Variants in TRHDE observed in about 807,000 individuals in gnomAD.
The protein encoded by TRHDE is thyrotropin releasing hormone degrading enzyme, also known as thyrotropin-releasing hormone-degrading ectoenzyme.
In TRHDE, 72 loss-of-function variants were observed where a neutral mutation model predicts 125.7. That is an observed-to-expected ratio of 0.57 (90% CI 0.47 to 0.70). TRHDE has a LOEUF of 0.70. Among genes scored for constraint, TRHDE ranks in the 30% least tolerant of loss-of-function variants. The probability of loss-of-function intolerance (pLI) is 0.00; values close to 1 mark genes in which losing one functional copy is unlikely to be tolerated. For synonymous variants in TRHDE, 509 were observed against 509.1 expected, an observed-to-expected ratio of 1.00 and a Z score of 0.00; for missense variants, 1,110 against 1,327.1, an observed-to-expected ratio of 0.84 and a Z score of 2.54.
At chr12:72,486,836 T>C (rs866921209) in intron 5 of TRHDE, among the ~76,000 whole-genome samples, 1 of 151,982 alleles carries the variant, frequency 6.6e-6, no homozygotes. Context: ...ACAAATTGCC[T>C]AAAAAGGAAT....
At chr12:72,332,755 A>G (rs1277492505) in intron 2 of TRHDE, among the ~76,000 whole-genome samples, 1 of 152,238 alleles carries the variant, frequency 6.6e-6, no homozygotes, top group Non-Finnish European at 1.5e-5. Flanking sequence ...CTGCTCTCAG[A>G]GACCTTACAA....
intron 2 of TRHDE, among the ~76,000 whole-genome samples, chr12:72,177,819 T>G (rs1877020099): frequency 6.6e-6 from 1 of 152,032 alleles, no homozygotes; most frequent in African/African-American, 2.4e-5. Context: ...ATATTACTTA[T>G]GAAAGTAATG....
chr12:72,268,981 G>A (rs1879131037), upstream of TRHDE, among the ~76,000 whole-genome samples: 1 of 152,030 alleles, frequency 6.6e-6, no homozygotes, highest in Non-Finnish European at 1.5e-5. Flanking sequence ...CTTGTTTACA[G>A]CACCACATGG....
chr12:72,633,563 G>C (rs1397064419), intron 15 of TRHDE, among the ~76,000 whole-genome samples: 1 of 152,042 alleles, frequency 6.6e-6, no homozygotes, highest in Non-Finnish European at 1.5e-5. Flanking sequence ...CCTAGAAACA[G>C]AACCACCCTA....
intron 12 of TRHDE, among the ~76,000 whole-genome samples, chr12:72,586,433 T>A (rs1317033758): frequency 6.6e-6 from 1 of 152,166 alleles, no homozygotes; most frequent in Admixed American, 6.5e-5. Flanking sequence ...AATATCCTTA[T>A]GTGGAGTGGA....
intron 3 of TRHDE, among the ~76,000 whole-genome samples, chr12:72,397,468 A>C (rs777054971): frequency 4.6e-5 from 7 of 152,030 alleles, no homozygotes; most frequent in Non-Finnish European, 1.0e-4. Context: ...ATCTTCCTCT[A>C]TTTCTTCCTA....
At chr12:72,611,605 TA>T (rs1471574755) in intron 12 of TRHDE, among the ~76,000 whole-genome samples, 2 of 152,054 alleles carry the variant, frequency 1.3e-5, no homozygotes, top group African/African-American at 4.8e-5. Context: ...CTAACAAAGC[TA>T]GGGGTGAGGG....
At chr12:72,422,286 G>A (rs1012073769) in intron 3 of TRHDE, among the ~76,000 whole-genome samples, 6 of 152,058 alleles carry the variant, frequency 3.9e-5, no homozygotes, top group African/African-American at 1.4e-4. Context: ...TCAGAATCAC[G>A]CTGAAATGGA....
chr12:72,560,529 A>C (rs1870127455), intron 7 of TRHDE: 1 of 152,192 alleles, frequency 6.6e-6, no homozygotes, highest in African/African-American at 2.4e-5. Flanking sequence ...ACATCACTAA[A>C]ATAAAATGCA....
At chr12:72,315,475 T>C (rs925604807) in intron 2 of TRHDE, among the ~76,000 whole-genome samples, 1 of 152,216 alleles carries the variant, frequency 6.6e-6, no homozygotes, top group Non-Finnish European at 1.5e-5. Context: ...TTAATCAGCA[T>C]CTAGTTATGC....
chr12:72,102,824 G>C (rs1875099792), intron 1 of TRHDE, among the ~76,000 whole-genome samples: 1 of 152,202 alleles, frequency 6.6e-6, no homozygotes, highest in African/African-American at 2.4e-5. Context: ...TTCAAGGAAG[G>C]GCTTGTTGCC....
At chr12:72,363,745 A>G (rs531906441) in intron 2 of TRHDE, among the ~76,000 whole-genome samples, 15 of 152,186 alleles carry the variant, frequency 9.9e-5, no homozygotes, top group Non-Finnish European at 2.1e-4. Context: ...ACTCCTATTC[A>G]ACATAGTGTT....
chr12:72,185,523 A>G (rs978110138), intron 2 of TRHDE, among the ~76,000 whole-genome samples: 66 of 152,344 alleles, frequency 4.3e-4, no homozygotes, highest in African/African-American at 1.6e-3. Flanking sequence ...TCTGGTGGGG[A>G]CGTGGAGAGT....
chr12:72,261,440 A>T (rs1006196730), intron 2 of TRHDE, among the ~76,000 whole-genome samples: 3 of 152,202 alleles, frequency 2.0e-5, no homozygotes, highest in Non-Finnish European at 2.9e-5. Context: ...TATTTTGAGG[A>T]TTTAAAGAAA....
At chr12:72,644,120 G>A (rs1874181259) in intron 15 of TRHDE, among the ~76,000 whole-genome samples, 1 of 152,158 alleles carries the variant, frequency 6.6e-6, no homozygotes, top group African/African-American at 2.4e-5. Context: ...TTCCCTTAGT[G>A]AGAAATCCAG....
At chr12:72,114,938 TA>T (rs1182017477) in intron 2 of TRHDE, among the ~76,000 whole-genome samples, 5 of 152,144 alleles carry the variant, frequency 3.3e-5, no homozygotes, top group South Asian at 2.1e-4. Context: ...TTATTTTATT[TA>T]AAAAAATTTC....
rs541469816 is a variant in TRHDE, at chr12:72,225,677, C to G, written n.279+119925C>G. ...TTCTTTCCTTCTGTTTATAATCACA[C>G]CATTCTCCTTGGGAGGTGGGAGATC... On this transcript the variant is annotated intron_variant and non_coding_transcript_variant, in intron 2 of 4. Coordinates refer to the TRHDE transcript ENST00000548156. Among the ~76,000 whole-genome samples the G allele has an allele frequency of 5.9e-5, 9 of 152,274 alleles. No homozygotes were observed. The South Asian group carries it at 1.7e-3, about 28-fold the overall frequency.
At chr12:72,642,208 A>T (rs1046969578) in intron 15 of TRHDE, among the ~76,000 whole-genome samples, 1 of 152,196 alleles carries the variant, frequency 6.6e-6, no homozygotes, top group African/African-American at 2.4e-5. Context: ...GTTCAGACTA[A>T]GGCAGCCATC....
intron 6 of TRHDE, 141 bp downstream of exon 6, chr12:72,499,776 G>A (rs1044173380): frequency 3.5e-5 from 33 of 944,698 alleles, no homozygotes; most frequent in Middle Eastern, 2.6e-4. Context: ...CACTAGGTTC[G>A]TGTCATTTTA....
Sources: gnomAD v4.1 joint callset for allele counts (sites outside exome capture counted in the v4.1 genomes callset) on GRCh38, gnomAD v4.1.1 for gene constraint, MANE v1.5 for transcripts, NCBI Gene and HGNC (gene_info 2026-07-23, HGNC 2026-07-21) for gene names.